Variants in DNMT3A observed in about 807,000 individuals in gnomAD.
The protein encoded by DNMT3A is DNA (cytosine-5)-methyltransferase 3A.
Under a neutral mutation model 117.6 loss-of-function variants are expected in DNMT3A, and 267 were observed. The observed-to-expected ratio is 2.27, with a 90% CI of 2.05 to 2.51. The LOEUF (loss-of-function observed/expected upper bound fraction) is 2.51. Ranked by LOEUF, DNMT3A falls within the 30% of genes most tolerant of loss-of-function variation. The pLI, the probability that DNMT3A is intolerant of heterozygous loss-of-function variation, is 0.00. For missense variants in DNMT3A, 1,029 were observed against 1,260.2 expected (o/e 0.82, Z 2.78); for synonymous variants, 432 against 474.8 (o/e 0.91, Z 1.17).
In DNMT3A at chr2:25,247,679, C is replaced by T. The variant is rs1553414043; in HGVS notation, c.926G>A (p.Arg309His). 1.2e-6 allele frequency: 2 copies of T among 1,613,938 alleles called. No individual in the cohort carries two copies. Among genetic ancestry groups the T allele is most frequent in the Non-Finnish European group, 1.7e-6 (2 of 1,180,028 alleles). The change falls in exon 8 of 23, where the codon CGC becomes CAC. Residue 309 changes from arginine to histidine, a missense_variant. By Grantham distance (29) the Arg-to-His change is conservative. Coordinates refer to ENST00000321117, the MANE Select transcript of DNMT3A (RefSeq NM_022552.5). The surrounding 1 kb of genome is among the most constrained non-coding windows in gnomAD (Gnocchi z 5.6). ...GCCCGTCATCCACCAAGACACAATGCGGCCTGGCCACCAGGAGAAGCCCCG... is the reference window on the plus strand; with the variant it reads ...GCCCGTCATCCACCAAGACACAATGTGGCCTGGCCACCAGGAGAAGCCCCG... ...KLRGFSWWPG[R>H]IVSWWMTGRS...
chr2:25,272,945 G>A (rs2031057774), intron 6 of DNMT3A, among the ~76,000 whole-genome samples: 1 of 146,666 alleles, frequency 6.8e-6, no homozygotes, highest in South Asian at 2.1e-4. Context: ...GGGACTATAG[G>A]CACGCACCAC....
chr2:25,298,966 C>T lies in DNMT3A; in HGVS notation c.177+1173G>A, dbSNP rs2033260449. Among the ~76,000 whole-genome samples the T allele has an allele frequency of 6.7e-6, 1 of 149,456 alleles. No individual in the cohort carries two copies. Among genetic ancestry groups the T allele is most frequent in the South Asian group, 2.2e-4 (1 of 4,596 alleles). ...CCCCCGCCTCTACTGTCCCATTTCA[C>T]TTCAGTCACCTTCAACCCGGCTCTC... is the stretch of plus-strand genomic sequence containing the variant. On this transcript the variant is annotated intron_variant, in intron 3 of 22. Coordinates refer to ENST00000321117, the MANE Select transcript of DNMT3A (RefSeq NM_022552.5). The surrounding 1 kb of genome is among the most constrained non-coding windows in gnomAD (Gnocchi z 4.3).
At chr2:25,288,629 T>G (rs1047104578) in intron 3 of DNMT3A, among the ~76,000 whole-genome samples, 1 of 152,136 alleles carries the variant, frequency 6.6e-6, no homozygotes, top group African/African-American at 2.4e-5. Flanking sequence ...TTTTTTAAAC[T>G]TCTAAAAACC....
At chr2:25,314,816 A>C (rs1573483764) in intron 1 of DNMT3A, 2 of 625,764 alleles carry the variant, frequency 3.2e-6, no homozygotes, top group Non-Finnish European at 4.0e-6. Context: ...CACCCCATGA[A>C]CCAGCCTCAT....
At chr2:25,329,712 C>G (rs1204776460) in intron 1 of DNMT3A, among the ~76,000 whole-genome samples, 6 of 144,778 alleles carry the variant, frequency 4.1e-5, no homozygotes, top group East Asian at 2.0e-4. Flanking sequence ...CACACACACA[C>G]AGACACACAG....
intron 19 of DNMT3A, among the ~76,000 whole-genome samples, chr2:25,239,814 C>T (rs932815227): frequency 1.2e-4 from 18 of 152,210 alleles, no homozygotes; most frequent in African/African-American, 4.3e-4. Context: ...GCAGCAGAAG[C>T]CCTCTGCACG....
At chr2:25,235,336 C>T (rs1441666218) in intron 22 of DNMT3A, among the ~76,000 whole-genome samples, 1 of 152,148 alleles carries the variant, frequency 6.6e-6, no homozygotes, top group Non-Finnish European at 1.5e-5. Flanking sequence ...AGGCACCCGC[C>T]ACCACACCCA....
intron 4 of DNMT3A, among the ~76,000 whole-genome samples, chr2:25,279,509 G>A (rs549971689): frequency 4.6e-5 from 7 of 152,186 alleles, no homozygotes; most frequent in African/African-American, 7.2e-5. Context: ...GCCACTGTCC[G>A]TTGCATATTG....
At chr2:25,288,988 A>C (rs1035914076) in intron 3 of DNMT3A, among the ~76,000 whole-genome samples, 1 of 152,148 alleles carries the variant, frequency 6.6e-6, no homozygotes, top group African/African-American at 2.4e-5. Flanking sequence ...CAGCCAATGC[A>C]TGCCACGTTT....
chr2:25,317,119 T>C (rs1489152063), intron 1 of DNMT3A, among the ~76,000 whole-genome samples: 3 of 152,200 alleles, frequency 2.0e-5, no homozygotes, highest in Non-Finnish European at 2.9e-5. Context: ...GCAGTGGTAG[T>C]ATCATAGCTC....
rs564688024 is a variant in DNMT3A at position 25,333,081 on chromosome 2, AG to A, written c.-178+8744del. ...AGGTACAGGCAAATCCTGGCTTCAC[AG>A]GAAGAAGTGGAGGTGCAGAAAGGCT... On this transcript the variant is annotated intron_variant, in intron 1 of 22. Coordinates refer to ENST00000321117, the MANE Select transcript of DNMT3A (RefSeq NM_022552.5). Among the ~76,000 whole-genome samples, 1,237 of 152,374 alleles carry A rather than the reference AG, an allele frequency of 8.1e-3. 8 individuals are homozygous for A. Among genetic ancestry groups the A allele is most frequent in the Non-Finnish European group, 0.011 (753 of 68,030 alleles).
chr2:25,235,898 A>C, intron 21 of DNMT3A, 73 bp from the exon 22 acceptor site: 1 of 1,368,896 alleles, frequency 7.3e-7, no homozygotes. Flanking sequence ...CGTCTACCAA[A>C]TATGCCAGGT....
intron 2 of DNMT3A, among the ~76,000 whole-genome samples, chr2:25,301,839 G>A (rs1034559109): frequency 6.6e-6 from 1 of 152,234 alleles, no homozygotes; most frequent in East Asian, 1.9e-4. Flanking sequence ...AGAGGTAGAA[G>A]AGGGTCCACA....
chr2:25,267,400 C>G (rs2149354131), intron 6 of DNMT3A, among the ~76,000 whole-genome samples: 1 of 152,018 alleles, frequency 6.6e-6, no homozygotes, highest in Middle Eastern at 3.4e-3. Context: ...ATAAGGAGAC[C>G]CCCATCTCTA....
chr2:25,251,166 G>A (rs1360804471), intron 6 of DNMT3A, among the ~76,000 whole-genome samples: 1 of 65,466 alleles, frequency 1.5e-5, no homozygotes, highest in Non-Finnish European at 3.7e-5. Context: ...GGGGGGGGGT[G>A]GGTGAGCAGC....
chr2:25,329,028 A>G (rs1318463040), intron 1 of DNMT3A, among the ~76,000 whole-genome samples: 2 of 152,178 alleles, frequency 1.3e-5, no homozygotes, highest in South Asian at 2.1e-4. Flanking sequence ...AAGGGTCTTC[A>G]GGGCTTGGGA....
At position 25,267,956 on chromosome 2, in the gene DNMT3A, G is replaced by A. The variant is rs1468211148; in HGVS notation, c.639+6985C>T. ...GAACCTCAGCTGGGGTACAGGGTAA[G>A]TGATGCCTAAGGTCCCACACCCAGT... On this transcript the variant is annotated intron_variant, in intron 6 of 22. Coordinates refer to ENST00000321117, the MANE Select transcript of DNMT3A (RefSeq NM_022552.5). Among the ~76,000 whole-genome samples the A allele has an allele frequency of 3.3e-5, 5 of 152,214 alleles. No homozygotes were observed. In the East Asian group the frequency reaches 7.7e-4, roughly 23 times the overall value.
chr2:25,248,007 C>G (rs542946856), intron 7 of DNMT3A, 30 bp downstream of exon 7: 6 of 1,611,224 alleles, frequency 3.7e-6, no homozygotes, highest in Admixed American at 3.3e-5. Flanking sequence ...CCGGAAAGAG[C>G]TGGCCACGGC....
At position 25,305,043 on chromosome 2, in the gene DNMT3A, A is replaced by G. The variant is rs2033713209; in HGVS notation, c.73-4800T>C. Among the ~76,000 whole-genome samples, 1 of 152,236 alleles carries G rather than the reference A, an allele frequency of 6.6e-6. No individual in the cohort carries two copies. The highest frequency in any genetic ancestry group is 1.5e-5 in the Non-Finnish European group (1 of 68,050). On this transcript the variant is annotated intron_variant, in intron 2 of 22. Transcript: ENST00000321117. The surrounding 1 kb of genome is among the most constrained non-coding windows in gnomAD (Gnocchi z 4.1). ...CCAGAATGCCTAGACGGATGCATTT[A>G]GTCCAAGGCAGGCACTTGATGAATG...
Sources: allele counts gnomAD v4.1 joint callset (sites outside exome capture counted in the v4.1 genomes callset), GRCh38; gene constraint gnomAD v4.1.1; non-coding constraint Gnocchi (gnomAD v3.1); transcripts MANE v1.5; gene names NCBI Gene and HGNC (gene_info 2026-07-23, HGNC 2026-07-21).